Variants in ADGRB3 observed in about 807,000 individuals in gnomAD.
ADGRB3 encodes the protein brain-specific angiogenesis inhibitor 3.
Under a neutral mutation model 193.4 loss-of-function variants are expected in ADGRB3, and 37 were observed. The observed-to-expected ratio is 0.19, with a 90% CI of 0.15 to 0.25. ADGRB3 has a LOEUF of 0.25. ADGRB3 is among the 10% of genes least tolerant of loss of function. The pLI is 1.00. For synonymous variants in ADGRB3, 690 were observed against 644.2 expected, an observed-to-expected ratio of 1.07 and a Z score of -1.08; for missense variants, 1,637 against 1,852.9, an observed-to-expected ratio of 0.88 and a Z score of 2.14.
At chr6:68,876,670 A>G (rs2150222491) in intron 3 of ADGRB3, among the ~76,000 whole-genome samples, 1 of 152,294 alleles carries the variant, frequency 6.6e-6, no homozygotes, top group East Asian at 1.9e-4. Flanking sequence ...AGTGCTAAAT[A>G]CTTTCTTTTT....
At chr6:69,206,817 C>T (rs989692927) in intron 17 of ADGRB3, among the ~76,000 whole-genome samples, 9 of 152,140 alleles carry the variant, frequency 5.9e-5, no homozygotes, top group Non-Finnish European at 1.2e-4. Flanking sequence ...TCTGTATTCC[C>T]TTTGCCTTTA....
At chr6:69,376,171 A>G (rs141696193) in intron 30 of ADGRB3, among the ~76,000 whole-genome samples, 63 of 138,022 alleles carry the variant, frequency 4.6e-4, no homozygotes, top group African/African-American at 1.6e-3. Context: ...GCTCATTGCA[A>G]CCTCTACCTC....
In ADGRB3 at chr6:68,723,954, C is replaced by T. The variant is rs549850581; in HGVS notation, c.757+84522C>T. Among the ~76,000 whole-genome samples, 9 of 151,696 alleles carry T rather than the reference C, an allele frequency of 5.9e-5. No individual in the cohort carries two copies. The South Asian group carries it at 1.7e-3, about 28-fold the overall frequency. On this transcript the variant is annotated intron_variant, in intron 3 of 31. Transcript: ENST00000370598. ...TTTAAGGATGTTGCTAATTATTTTA[C>T]AATGCACAGGACAACCTTCCACATC...
chr6:68,650,583 GA>G (rs781017327), intron 3 of ADGRB3, among the ~76,000 whole-genome samples: 9 of 151,990 alleles, frequency 5.9e-5, no homozygotes, highest in Non-Finnish European at 1.3e-4. Context: ...ATGGAAAGAT[GA>G]AAATAAAAAT....
intron 20 of ADGRB3, among the ~76,000 whole-genome samples, chr6:69,284,404 A>G (rs149640459): frequency 1.3e-5 from 2 of 152,262 alleles, no homozygotes; most frequent in East Asian, 3.9e-4. Context: ...AGATACAATC[A>G]TATCAGCCGA....
intron 13 of ADGRB3, among the ~76,000 whole-genome samples, chr6:69,045,799 G>A (rs562256900): frequency 1.3e-5 from 2 of 152,004 alleles, no homozygotes; most frequent in South Asian, 2.1e-4. Context: ...TAATAAATAC[G>A]TGTTTATTTT....
chr6:68,766,102 A>G (rs1766504034), intron 3 of ADGRB3, among the ~76,000 whole-genome samples: 1 of 151,984 alleles, frequency 6.6e-6, no homozygotes. Flanking sequence ...GTCTTTTCCA[A>G]AAAGCAGTAA....
chr6:69,255,048 T>G (rs940609616), intron 20 of ADGRB3, among the ~76,000 whole-genome samples: 25 of 151,610 alleles, frequency 1.6e-4, no homozygotes, highest in Admixed American at 8.5e-4. Context: ...CATCATTTTT[T>G]ATGGCTGCAT....
At chr6:69,067,413 A>G (rs1244794421) in intron 16 of ADGRB3, among the ~76,000 whole-genome samples, 1 of 152,204 alleles carries the variant, frequency 6.6e-6, no homozygotes. Context: ...TTTGTAAATC[A>G]TAGTGGAAAA....
chr6:69,383,051 A>AG (rs926252280), intron 31 of ADGRB3, 116 bp downstream of exon 31: 13 of 557,388 alleles, frequency 2.3e-5, no homozygotes, highest in African/African-American at 3.9e-5. Flanking sequence ...AGAAAAAAAA[A>AG]GTATAAGCCC....
intron 17 of ADGRB3, among the ~76,000 whole-genome samples, chr6:69,181,215 A>G (rs1438328722): frequency 1.3e-5 from 2 of 152,130 alleles, no homozygotes; most frequent in Non-Finnish European, 2.9e-5. Context: ...ATTGAAATAC[A>G]GCTCATAGAG....
At chr6:68,780,702 T>A (rs950253535) in intron 3 of ADGRB3, among the ~76,000 whole-genome samples, 3 of 152,134 alleles carry the variant, frequency 2.0e-5, no homozygotes, top group Admixed American at 2.0e-4. Context: ...TTTAACTTTT[T>A]ATTTTGAAAT....
intron 3 of ADGRB3, among the ~76,000 whole-genome samples, chr6:68,776,221 A>G (rs1351992774): frequency 2.0e-5 from 3 of 152,158 alleles, no homozygotes; most frequent in Non-Finnish European, 4.4e-5. Flanking sequence ...GGGACTGAGA[A>G]TTGCCACTTT....
chr6:68,792,384 A>T (rs939150366), intron 3 of ADGRB3, among the ~76,000 whole-genome samples: 1 of 152,224 alleles, frequency 6.6e-6, no homozygotes, highest in African/African-American at 2.4e-5. Context: ...TCCTATGAGC[A>T]TTAATGCTTG....
intron 3 of ADGRB3, among the ~76,000 whole-genome samples, chr6:68,840,640 G>T (rs1768137908): frequency 6.6e-6 from 1 of 151,848 alleles, no homozygotes. Flanking sequence ...CAGCTCAGCT[G>T]CAGGTTAATA....
intron 3 of ADGRB3, among the ~76,000 whole-genome samples, chr6:68,926,532 T>C (rs576969990): frequency 1.1e-4 from 17 of 152,234 alleles, no homozygotes; most frequent in Non-Finnish European, 1.5e-4. Flanking sequence ...GGCCACACAA[T>C]GTAAGTAGGA....
intron 29 of ADGRB3, among the ~76,000 whole-genome samples, chr6:69,366,745 G>A (rs866874064): frequency 1.3e-5 from 2 of 152,086 alleles, no homozygotes; most frequent in Non-Finnish European, 2.9e-5. Context: ...TTCTCTCAGA[G>A]TATGCCCAAG....
intron 17 of ADGRB3, among the ~76,000 whole-genome samples, chr6:69,083,835 C>A (rs1223623946): frequency 6.8e-6 from 1 of 146,160 alleles, no homozygotes; most frequent in African/African-American, 2.6e-5. Context: ...AGTGCAGTGG[C>A]ACGATCTCGG....
chr6:68,886,487 A>G (rs773047581), intron 3 of ADGRB3, among the ~76,000 whole-genome samples: 1 of 152,092 alleles, frequency 6.6e-6, no homozygotes, highest in Admixed American at 6.6e-5. Flanking sequence ...TCTTCTTTTT[A>G]TTCACTAACA....
Sources: allele counts gnomAD v4.1 joint callset (sites outside exome capture counted in the v4.1 genomes callset), GRCh38; gene constraint gnomAD v4.1.1; transcripts MANE v1.5; gene names NCBI Gene and HGNC (gene_info 2026-07-23, HGNC 2026-07-21).